Variants in DPYSL5 observed in about 807,000 individuals in gnomAD.
DPYSL5 encodes the protein dihydropyrimidinase like 5, also known as dihydropyrimidinase-related protein 5.
Under a neutral mutation model 58.4 loss-of-function variants are expected in DPYSL5, and 9 were observed. The ratio of observed to expected loss-of-function variants is 0.15; its 90% CI spans 0.09 to 0.27. The LOEUF (loss-of-function observed/expected upper bound fraction) is 0.27. DPYSL5 is among the 10% of genes least tolerant of loss of function. DPYSL5 has a pLI of 1.00. For synonymous variants in DPYSL5, 293 were observed against 301.9 expected (o/e 0.97, Z 0.31); for missense variants, 499 against 770.6 (o/e 0.65, Z 4.17).
At position 26,944,262 on chromosome 2, in the gene DPYSL5, G is replaced by A. The variant is rs1665406009; in HGVS notation, c.1441-394G>A. On this transcript the variant is annotated intron_variant, in intron 11 of 12. Transcript: ENST00000288699. The surrounding 1 kb of genome is among the most constrained non-coding windows in gnomAD (Gnocchi z 4.4). Reference sequence around the variant, plus strand: ...ATCGCACCACTGCACTCCAGCATGGGCGACAGAGTGAGACTCTGTCTCAAA... The same window carrying A: ...ATCGCACCACTGCACTCCAGCATGGACGACAGAGTGAGACTCTGTCTCAAA... Among the ~76,000 whole-genome samples the A allele has an allele frequency of 6.6e-6, 1 of 152,126 alleles. No homozygotes were observed. Among genetic ancestry groups the A allele is most frequent in the Admixed American group, 6.5e-5 (1 of 15,270 alleles).
intron 9 of DPYSL5, 127 bp from the exon 10 acceptor site, chr2:26,941,823 T>A: frequency 7.8e-7 from 1 of 1,279,628 alleles, no homozygotes; most frequent in South Asian, 1.4e-5. Context: ...GCTCATGGCC[T>A]TGTCCCTTTG....
chr2:26,914,293 T>C (rs1558343175), intron 2 of DPYSL5, among the ~76,000 whole-genome samples: 1 of 152,244 alleles, frequency 6.6e-6, no homozygotes, highest in Non-Finnish European at 1.5e-5. Context: ...TGGGCTGGTC[T>C]GTACCCTTCC....
At chr2:26,941,901 GACCC>G (rs1558356477) in intron 9 of DPYSL5, 45 bp from the exon 10 acceptor site, 3 of 1,612,138 alleles carry the variant, frequency 1.9e-6, no homozygotes, top group Admixed American at 1.7e-5. Flanking sequence ...AAGGGTTTGA[GACCC>G]ACCCCCAGAG....
chr2:26,859,748 G>A (rs1424636202), intron 1 of DPYSL5, among the ~76,000 whole-genome samples: 3 of 152,122 alleles, frequency 2.0e-5, no homozygotes, highest in Admixed American at 1.3e-4. Context: ...GTTATGAGAC[G>A]CACCCATTGC....
At chr2:26,930,469 C>T (rs538628062) in intron 5 of DPYSL5, among the ~76,000 whole-genome samples, 12 of 152,126 alleles carry the variant, frequency 7.9e-5, no homozygotes, top group Non-Finnish European at 1.6e-4. Context: ...AGGCATCTAG[C>T]GAGCAGAAGC....
At chr2:26,915,232 C>A (rs1196509182) in intron 2 of DPYSL5, among the ~76,000 whole-genome samples, 1 of 152,134 alleles carries the variant, frequency 6.6e-6, no homozygotes, top group Non-Finnish European at 1.5e-5. Flanking sequence ...TCCAGGGATA[C>A]CTCCTGCAGG....
At chr2:26,870,835 C>T (rs1006232629) in intron 1 of DPYSL5, among the ~76,000 whole-genome samples, 2 of 152,146 alleles carry the variant, frequency 1.3e-5, no homozygotes, top group Admixed American at 1.3e-4. Context: ...GGTAGCTATC[C>T]TTCCATTCTG....
At chr2:26,920,379 T>C (rs745877988) in intron 2 of DPYSL5, among the ~76,000 whole-genome samples, 19 of 152,234 alleles carry the variant, frequency 1.2e-4, no homozygotes, top group Non-Finnish European at 2.4e-4. Flanking sequence ...TTCCTCCAAA[T>C]TTATTCTGAA....
Position 26,934,613 on chromosome 2 carries a change from G to A in DPYSL5, c.826G>A (p.Ala276Thr). 1 of 1,613,564 alleles carries A rather than the reference G, an allele frequency of 6.2e-7. No individual in the cohort carries two copies. Among genetic ancestry groups the A allele is most frequent in the Non-Finnish European group, 8.5e-7 (1 of 1,180,038 alleles). The part of the protein sequence containing the change: ...VVLAETTTAH[A>T]TLTGLHYYHQ... ...GCTGGCGGAGACCACCACTGCACAT[G>A]CCACGCTGACAGGCTTACACTACTA... Residue 276 changes from alanine (A) to threonine (T), a missense_variant, in exon 8 of 13, where the codon GCC (alanine) becomes ACC (threonine). Around this residue, in one of 3 missense-constraint regions of DPYSL5, gnomAD observed 404 missense variants for 647.6 expected, o/e 0.62. Coordinates refer to ENST00000288699, the MANE Select transcript of DPYSL5 (RefSeq NM_020134.4). The surrounding 1 kb of genome is among the most constrained non-coding windows in gnomAD (Gnocchi z 4.3).
chr2:26,854,618 G>A (rs1447349173), intron 1 of DPYSL5, among the ~76,000 whole-genome samples: 1 of 152,118 alleles, frequency 6.6e-6, no homozygotes, highest in Non-Finnish European at 1.5e-5. Flanking sequence ...ACAAAATGCT[G>A]CACCTTACCT....
chr2:26,929,041 G>A (rs1023922361), intron 5 of DPYSL5, among the ~76,000 whole-genome samples: 1 of 152,016 alleles, frequency 6.6e-6, no homozygotes, highest in African/African-American at 2.4e-5. Context: ...GGACCGCAGA[G>A]CAGGAGGTGA....
At chr2:26,911,214 G>GT (rs1310307933) in intron 2 of DPYSL5, among the ~76,000 whole-genome samples, 1 of 150,228 alleles carries the variant, frequency 6.7e-6, no homozygotes, top group African/African-American at 2.5e-5. Flanking sequence ...CTTTTGATCT[G>GT]TTTGTCTATT....
At position 26,925,398 on chromosome 2, in the gene DPYSL5, C is replaced by T. The variant is rs1664804295; in HGVS notation, c.420+353C>T. Among the ~76,000 whole-genome samples the T allele has an allele frequency of 6.6e-6, 1 of 152,136 alleles. No homozygotes were observed. The highest frequency in any genetic ancestry group is 1.5e-5 in the Non-Finnish European group (1 of 68,016). On this transcript the variant is annotated intron_variant, in intron 3 of 12. Coordinates refer to ENST00000288699, the MANE Select transcript of DPYSL5 (RefSeq NM_020134.4). This position sits in a 1 kb window ranked among gnomAD's most constrained non-coding sequence, Gnocchi z 4.5. ...GCTGAGAAGAGGCCTGAGCAGGGCT[C>T]AGGTGCAGAGGGTCATATCCCATAT...
rs946835271 is a variant in DPYSL5 at position 26,925,705 on chromosome 2, C to G, written c.420+660C>G. 2.6e-5 allele frequency among the ~76,000 whole-genome samples: 4 copies of G among 152,200 alleles called. No homozygotes were observed. The highest frequency in any genetic ancestry group is 7.2e-5 in the African/African-American group (3 of 41,448). ...CCAGGCCCCAGGGTCAGAGTCCAGA[C>G]TCCTCTCCCCGGATTCCCACTTCCT... is the stretch of plus-strand genomic sequence containing the variant. On this transcript the variant is annotated intron_variant, in intron 3 of 12. Coordinates refer to ENST00000288699, the MANE Select transcript of DPYSL5 (RefSeq NM_020134.4). The surrounding 1 kb of genome is among the most constrained non-coding windows in gnomAD (Gnocchi z 4.5).
intron 8 of DPYSL5, among the ~76,000 whole-genome samples, chr2:26,935,881 C>G (rs1665162226): frequency 6.6e-6 from 1 of 152,160 alleles, no homozygotes; most frequent in African/African-American, 2.4e-5. Context: ...TCCCTCCCAG[C>G]TTGCAGCACT....
chr2:26,915,494 G>T (rs1380266564), intron 2 of DPYSL5, among the ~76,000 whole-genome samples: 2 of 152,136 alleles, frequency 1.3e-5, no homozygotes. Flanking sequence ...GGCTGTGCTG[G>T]ACTTCTGCCT....
intron 1 of DPYSL5, among the ~76,000 whole-genome samples, chr2:26,875,653 C>T (rs1663392034): frequency 6.6e-6 from 1 of 152,130 alleles, no homozygotes; most frequent in African/African-American, 2.4e-5. Flanking sequence ...GTATGTTGGA[C>T]TCTACACCTG....
At chr2:26,864,465 T>C (rs1666093389) in intron 1 of DPYSL5, among the ~76,000 whole-genome samples, 1 of 152,214 alleles carries the variant, frequency 6.6e-6, no homozygotes, top group African/African-American at 2.4e-5. Context: ...GGGAAGATGA[T>C]TAACATTCTC....
chr2:26,926,557 A>C (rs1202653090), intron 3 of DPYSL5, among the ~76,000 whole-genome samples: 1 of 152,244 alleles, frequency 6.6e-6, no homozygotes. Context: ...ATAATCCAGT[A>C]ACCCCCAGCA....
Sources: allele counts gnomAD v4.1 joint callset (sites outside exome capture counted in the v4.1 genomes callset), GRCh38; gene constraint gnomAD v4.1.1; regional missense constraint gnomAD v4.1.1; non-coding constraint Gnocchi (gnomAD v3.1); transcripts MANE v1.5; gene names NCBI Gene and HGNC (gene_info 2026-07-23, HGNC 2026-07-21).